The following ZSWIM5 variants were observed in gnomAD, a reference collection of about 807,000 sequenced individuals.
ZSWIM5 encodes zinc finger SWIM domain-containing protein 5.
ZSWIM5 carries 55 observed loss-of-function variants against 119.6 expected under a neutral mutation model. That is an observed-to-expected ratio of 0.46 (90% CI 0.37 to 0.58). The LOEUF is 0.58. ZSWIM5 is among the 20% of genes least tolerant of loss of function. ZSWIM5 has a pLI of 0.00. For synonymous variants in ZSWIM5, 537 were observed against 606.9 expected, an observed-to-expected ratio of 0.88 and a Z score of 1.69; for missense variants, 1,193 against 1,512.8, an observed-to-expected ratio of 0.79 and a Z score of 3.51.
rs1644981240 is a variant in ZSWIM5, at chr1:45,036,070, T to G, written c.2124A>C (p.Thr708=). 1 of 1,614,184 alleles carries G rather than the reference T, an allele frequency of 6.2e-7. No homozygotes were observed. The highest frequency in any genetic ancestry group is 8.5e-7 in the Non-Finnish European group (1 of 1,180,036). The change falls in exon 9 of 14, where the codon ACA becomes ACC. Residue 708 remains threonine, a synonymous_variant. Transcript: ENST00000359600. ...GCAGTAAGATGCATTGTTTTTGCAG[T>G]GTTTGCACTAGCTCATCGTCCAGCT... ...ELQLDDELVQ[T]LQKQCILLLE... is the part of the protein sequence containing the mutation.
intron 3 of ZSWIM5, among the ~76,000 whole-genome samples, chr1:45,058,996 T>C (rs527959627): frequency 6.6e-6 from 1 of 152,314 alleles, no homozygotes; most frequent in African/African-American, 2.4e-5. Flanking sequence ...AAAAGTCAGA[T>C]AACAAGTGTT....
chr1:45,190,964 T>TTTTTTTAAGG, intron 1 of ZSWIM5, among the ~76,000 whole-genome samples: 1 of 125,864 alleles, frequency 7.9e-6, no homozygotes. Flanking sequence ...TTTTTTTTTT[T>TTTTTTTAAGG]GAGACGGAGT....
At chr1:45,135,483 AACTG>A (rs1645683697) in intron 1 of ZSWIM5, among the ~76,000 whole-genome samples, 1 of 152,240 alleles carries the variant, frequency 6.6e-6, no homozygotes, top group South Asian at 2.1e-4. Context: ...TTATATAAAC[AACTG>A]ACTGCAATTA....
At chr1:45,102,274 C>G (rs1037037213) in intron 1 of ZSWIM5, among the ~76,000 whole-genome samples, 14 of 152,106 alleles carry the variant, frequency 9.2e-5, no homozygotes, top group Non-Finnish European at 1.8e-4. Context: ...TTTGCAGATT[C>G]TTGACTATGC....
chr1:45,091,301 C>T (rs1313425870), intron 1 of ZSWIM5, among the ~76,000 whole-genome samples: 1 of 152,002 alleles, frequency 6.6e-6, no homozygotes, highest in Non-Finnish European at 1.5e-5. Flanking sequence ...TACAAAGACC[C>T]TCACAGAAGG....
intron 1 of ZSWIM5, among the ~76,000 whole-genome samples, chr1:45,135,765 A>G (rs566506505): frequency 3.9e-5 from 6 of 152,168 alleles, no homozygotes; most frequent in Admixed American, 6.5e-5. Flanking sequence ...TCCATTGGAC[A>G]CATCTACTCC....
intron 5 of ZSWIM5, among the ~76,000 whole-genome samples, chr1:45,049,497 A>G (rs1396363250): frequency 3.3e-5 from 5 of 152,244 alleles, no homozygotes; most frequent in South Asian, 4.2e-4. Context: ...ACAACAACAA[A>G]GAACCAATAT....
At chr1:45,140,462 A>T (rs749012913) in intron 1 of ZSWIM5, among the ~76,000 whole-genome samples, 4 of 152,216 alleles carry the variant, frequency 2.6e-5, no homozygotes, top group Non-Finnish European at 5.9e-5. Flanking sequence ...CAAAGGAGAT[A>T]AAATGGAATC....
chr1:45,115,785 A>G (rs1330222871), intron 1 of ZSWIM5, among the ~76,000 whole-genome samples: 2 of 148,052 alleles, frequency 1.4e-5, no homozygotes, highest in Admixed American at 1.3e-4. Flanking sequence ...GGCCAGGCAG[A>G]GGGGCTCCTC....
intron 1 of ZSWIM5, among the ~76,000 whole-genome samples, chr1:45,180,132 C>T (rs962069045): frequency 6.6e-5 from 10 of 152,162 alleles, no homozygotes; most frequent in African/African-American, 2.4e-4. Flanking sequence ...GGGCGAGGCA[C>T]TGACTCACTC....
intron 1 of ZSWIM5, among the ~76,000 whole-genome samples, chr1:45,133,045 G>A (rs924733323): frequency 5.3e-5 from 8 of 152,130 alleles, no homozygotes; most frequent in Non-Finnish European, 1.0e-4. Flanking sequence ...CCAAGTCTTT[G>A]CTACTGTGAA....
chr1:45,097,939 A>G (rs542825355), intron 1 of ZSWIM5, among the ~76,000 whole-genome samples: 2 of 152,286 alleles, frequency 1.3e-5, no homozygotes, highest in East Asian at 3.9e-4. Context: ...ATAGCGGGGG[A>G]CCTGAACTGA....
At chr1:45,148,817 T>C (rs1645778018) in intron 1 of ZSWIM5, among the ~76,000 whole-genome samples, 1 of 152,242 alleles carries the variant, frequency 6.6e-6, no homozygotes, top group Non-Finnish European at 1.5e-5. Context: ...AGGTAGACAC[T>C]GAACCCTTTA....
intron 1 of ZSWIM5, among the ~76,000 whole-genome samples, chr1:45,092,542 C>CT (rs1262260060): frequency 1.1e-5 from 1 of 91,566 alleles, no homozygotes; most frequent in Non-Finnish European, 2.6e-5. Context: ...TGATCCACCC[C>CT]CCCCCCCCCG....
At chr1:45,048,195 A>AGG (rs1645068770) in intron 5 of ZSWIM5, among the ~76,000 whole-genome samples, 2 of 149,474 alleles carry the variant, frequency 1.3e-5, no homozygotes, top group African/African-American at 4.9e-5. Flanking sequence ...GCAATCCACG[A>AGG]TACCTGGCTA....
At chr1:45,079,109 G>C (rs1159242144) in intron 2 of ZSWIM5, among the ~76,000 whole-genome samples, 1 of 152,030 alleles carries the variant, frequency 6.6e-6, no homozygotes, top group East Asian at 1.9e-4. Context: ...TCCTTCTCCT[G>C]GCTCATCCTG....
At chr1:45,139,430 CT>C (rs2149033664) in intron 1 of ZSWIM5, among the ~76,000 whole-genome samples, 1 of 143,922 alleles carries the variant, frequency 6.9e-6, no homozygotes, top group African/African-American at 2.6e-5. Flanking sequence ...CTCTCCCTCT[CT>C]CCTTCCCTCC....
chr1:45,151,209 T>C (rs1645794776), intron 1 of ZSWIM5, among the ~76,000 whole-genome samples: 1 of 152,006 alleles, frequency 6.6e-6, no homozygotes, highest in South Asian at 2.1e-4. Context: ...CATCTGATTA[T>C]TGAGTTAATA....
intron 1 of ZSWIM5, among the ~76,000 whole-genome samples, chr1:45,161,925 C>T (rs1013528900): frequency 2.0e-5 from 3 of 152,198 alleles, no homozygotes; most frequent in African/African-American, 7.2e-5. Flanking sequence ...AATCACTGCA[C>T]TGAAATTATC....
Sources: gnomAD v4.1 joint callset for allele counts (sites outside exome capture counted in the v4.1 genomes callset) on GRCh38, gnomAD v4.1.1 for gene constraint, MANE v1.5 for transcripts, NCBI Gene and HGNC (gene_info 2026-07-23, HGNC 2026-07-21) for gene names.